The following EXT1 variants were observed in gnomAD, a reference collection of about 807,000 sequenced individuals.
The protein encoded by EXT1 is exostosin-1.
Under a neutral mutation model 82.5 loss-of-function variants are expected in EXT1, and 20 were observed. The observed-to-expected ratio is 0.24, with a 90% CI of 0.17 to 0.35. EXT1 has a LOEUF of 0.35. EXT1 is among the 10% of genes least tolerant of loss of function. The pLI is 1.00. For synonymous variants in EXT1, 348 were observed against 350.8 expected (o/e 0.99, Z 0.09); for missense variants, 757 against 936.5 (o/e 0.81, Z 2.50).
At chr8:117,850,745 A>G (rs1812439286) in intron 1 of EXT1, among the ~76,000 whole-genome samples, 1 of 152,192 alleles carries the variant, frequency 6.6e-6, no homozygotes. Context: ...TGAAACTAAC[A>G]TGAAAAGGAT....
At chr8:118,059,907 A>T (rs1259053688) in intron 1 of EXT1, among the ~76,000 whole-genome samples, 1 of 152,230 alleles carries the variant, frequency 6.6e-6, no homozygotes, top group Non-Finnish European at 1.5e-5. Flanking sequence ...TTATGAAACA[A>T]CTTGCAATTC....
At chr8:117,948,705 G>A (rs987473522) in intron 1 of EXT1, among the ~76,000 whole-genome samples, 2 of 152,206 alleles carry the variant, frequency 1.3e-5, no homozygotes, top group African/African-American at 2.4e-5. Flanking sequence ...CTCCTGCCAT[G>A]TATAGCCAAC....
intron 1 of EXT1, among the ~76,000 whole-genome samples, chr8:117,997,863 C>T (rs1401543185): frequency 6.6e-6 from 1 of 152,152 alleles, no homozygotes; most frequent in Non-Finnish European, 1.5e-5. Flanking sequence ...CAAGATGCCT[C>T]ATCCCCAGTG....
chr8:118,008,935 C>G (rs985943956), intron 1 of EXT1, among the ~76,000 whole-genome samples: 1 of 152,092 alleles, frequency 6.6e-6, no homozygotes, highest in Non-Finnish European at 1.5e-5. Flanking sequence ...GATGTGATTG[C>G]TATTATGAAA....
At chr8:118,060,183 A>C (rs965838511) in intron 1 of EXT1, among the ~76,000 whole-genome samples, 1 of 152,176 alleles carries the variant, frequency 6.6e-6, no homozygotes, top group African/African-American at 2.4e-5. Flanking sequence ...CTTACCCCCC[A>C]AAAATAAAAC....
intron 1 of EXT1, among the ~76,000 whole-genome samples, chr8:117,936,169 T>C (rs969213452): frequency 1.3e-5 from 2 of 152,318 alleles, no homozygotes; most frequent in Non-Finnish European, 2.9e-5. Context: ...ATTACATCCA[T>C]ATCCATGTTC....
chr8:118,008,847 T>G (rs1815836004), intron 1 of EXT1, among the ~76,000 whole-genome samples: 1 of 151,836 alleles, frequency 6.6e-6, no homozygotes, highest in Non-Finnish European at 1.5e-5. Flanking sequence ...CCTCACAGAG[T>G]TTTTTAAAGA....
chr8:117,903,314 C>T (rs966687916), intron 1 of EXT1, among the ~76,000 whole-genome samples: 7 of 152,196 alleles, frequency 4.6e-5, no homozygotes, highest in Non-Finnish European at 8.8e-5. Flanking sequence ...TGTTACTTGA[C>T]TCTAATGCCA....
intron 1 of EXT1, among the ~76,000 whole-genome samples, chr8:117,879,308 C>T (rs1813021764): frequency 6.6e-6 from 1 of 152,138 alleles, no homozygotes; most frequent in East Asian, 1.9e-4. Flanking sequence ...CATAATTTCT[C>T]CCCAGACCAG....
At chr8:117,849,229 T>C (rs974323181) in intron 1 of EXT1, among the ~76,000 whole-genome samples, 2 of 152,204 alleles carry the variant, frequency 1.3e-5, no homozygotes, top group African/African-American at 4.8e-5. Flanking sequence ...CCCTGTTTCA[T>C]CTCCATCCTG....
intron 1 of EXT1, among the ~76,000 whole-genome samples, chr8:118,066,832 A>T (rs1446849195): frequency 6.6e-6 from 1 of 152,124 alleles, no homozygotes; most frequent in African/African-American, 2.4e-5. Context: ...GAGGGTCAGC[A>T]CCCCCTAATC....
At chr8:117,800,050 T>A (rs1823142327) in intron 10 of EXT1, among the ~76,000 whole-genome samples, 153 bp from the exon 11 acceptor site, 1 of 152,156 alleles carries the variant, frequency 6.6e-6, no homozygotes, top group South Asian at 2.1e-4. Flanking sequence ...CTGCTGAAAA[T>A]GCAATCGCTG....
intron 1 of EXT1, among the ~76,000 whole-genome samples, chr8:117,920,833 T>C (rs796617717): frequency 6.6e-6 from 1 of 152,102 alleles, no homozygotes; most frequent in African/African-American, 2.4e-5. Context: ...TTAGCCACAA[T>C]CGTGCTGGGA....
intron 1 of EXT1, among the ~76,000 whole-genome samples, chr8:117,863,056 T>C (rs1165682952): frequency 1.3e-5 from 2 of 152,134 alleles, no homozygotes; most frequent in African/African-American, 4.8e-5. Flanking sequence ...CAGTGGGCGT[T>C]GTTAGCTTTG....
chr8:117,818,883 G>C (rs1811874050), intron 6 of EXT1, among the ~76,000 whole-genome samples: 1 of 152,176 alleles, frequency 6.6e-6, no homozygotes, highest in Non-Finnish European at 1.5e-5. Context: ...TGGTGTGTGA[G>C]ATAACAACTC....
intron 1 of EXT1, among the ~76,000 whole-genome samples, chr8:118,104,593 G>A (rs1290458281): frequency 6.6e-6 from 1 of 152,214 alleles, no homozygotes; most frequent in African/African-American, 2.4e-5. Context: ...AATTTAGGCT[G>A]AGAAGGACTT....
At chr8:117,838,168 C>T (rs1418824778) in intron 1 of EXT1, among the ~76,000 whole-genome samples, 1 of 152,076 alleles carries the variant, frequency 6.6e-6, no homozygotes, top group East Asian at 1.9e-4. Context: ...GTAAAGGCCC[C>T]GATTCTTAGA....
At chr8:117,838,650 A>C (rs1397224137) in intron 1 of EXT1, among the ~76,000 whole-genome samples, 3 of 152,182 alleles carry the variant, frequency 2.0e-5, no homozygotes, top group Non-Finnish European at 4.4e-5. Context: ...ATAAAAAAAA[A>C]ATAAATTAGA....
rs938968189 is a variant in EXT1, at chr8:118,111,105, A to G, written c.-59T>C. 18 of 1,538,930 alleles carry G rather than the reference A, an allele frequency of 1.2e-5. No homozygotes were observed. The highest frequency in any genetic ancestry group is 1.4e-5 in the Non-Finnish European group (16 of 1,148,268). The stretch of plus-strand genomic sequence containing the variant: ...ACACAAGAATCACCCAAGTTTCCCA[A>G]TCAACACTTTCAGCTCCAGTCCGCC... On this transcript the variant is annotated 5_prime_UTR_variant, in exon 1 of 11. Coordinates refer to ENST00000378204, the MANE Select transcript of EXT1 (RefSeq NM_000127.3).
Sources: gnomAD v4.1 joint callset for allele counts (sites outside exome capture counted in the v4.1 genomes callset) on GRCh38, gnomAD v4.1.1 for gene constraint, MANE v1.5 for transcripts, NCBI Gene and HGNC (gene_info 2026-07-23, HGNC 2026-07-21) for gene names.